Variants in ACO2 observed in about 807,000 individuals in gnomAD.
ACO2 encodes aconitate hydratase, mitochondrial.
In ACO2, 31 loss-of-function variants were observed where a neutral mutation model predicts 84.5. The observed-to-expected ratio is 0.37, with a 90% CI of 0.28 to 0.50. ACO2 has a LOEUF of 0.50. Ranked by LOEUF, ACO2 falls within the 20% of genes least tolerant of loss-of-function variation. ACO2 has a pLI of 0.97. For synonymous variants in ACO2, 414 were observed against 412.7 expected (o/e 1.00, Z -0.04); for missense variants, 685 against 1,029.3 (o/e 0.67, Z 4.58).
chr22:41,523,106 G>A, intron 10 of ACO2, 99 bp from the exon 11 acceptor site: 1 of 1,544,416 alleles, frequency 6.5e-7, no homozygotes, highest in Non-Finnish European at 8.8e-7. Flanking sequence ...GGCTGCCCTG[G>A]GGTTCCAGTA....
chr22:41,474,751 A>G (rs2037991297), intron 1 of ACO2, among the ~76,000 whole-genome samples: 1 of 150,670 alleles, frequency 6.6e-6, no homozygotes, highest in Non-Finnish European at 1.5e-5. Flanking sequence ...GGCGCCCGCT[A>G]CCATGCCTGG....
intron 14 of ACO2, chr22:41,525,956 C>T (rs1043396690): frequency 3.2e-6 from 1 of 313,524 alleles, no homozygotes; most frequent in South Asian, 6.9e-5. Flanking sequence ...AGGTCTGTGG[C>T]TGATCTTGCA....
intron 2 of ACO2, among the ~76,000 whole-genome samples, chr22:41,506,345 C>T (rs2066393088): frequency 1.3e-5 from 2 of 151,984 alleles, no homozygotes; most frequent in African/African-American, 4.8e-5. Context: ...CTCCGCCTCC[C>T]GGGTTCACGC....
In ACO2 at chr22:41,528,748, C is replaced by A; in HGVS notation, c.*135C>A. On this transcript the variant is annotated 3_prime_UTR_variant, in exon 18 of 18. Coordinates refer to ENST00000216254, the MANE Select transcript of ACO2 (RefSeq NM_001098.3). ...ACATGCTTCCTGCTCCCCGCTTAGC[C>A]CACGGAGTGACTGTGGTTGTGGTGG... 7.8e-7 allele frequency: 1 copy of A among 1,285,640 alleles called. No individual in the cohort carries two copies. The highest frequency in any genetic ancestry group is 1.0e-6 in the Non-Finnish European group (1 of 958,248). The allele number at this position is 1,285,640 out of a possible 1,614,324, so 79.6% of individuals were successfully genotyped here. A position where few individuals can be genotyped will look rare whatever the true frequency, so the allele number is the denominator to read the frequency against.
chr22:41,526,518 A>AG, intron 15 of ACO2, 65 bp downstream of exon 15: 1 of 1,541,436 alleles, frequency 6.5e-7, no homozygotes, highest in Non-Finnish European at 8.8e-7. Flanking sequence ...AGGCAGGTGC[A>AG]GGGAGGACAT....
chr22:41,513,541 G>T (rs146168555), intron 4 of ACO2, among the ~76,000 whole-genome samples: 191 of 152,310 alleles, frequency 1.3e-3, no homozygotes, highest in African/African-American at 4.5e-3. Context: ...CCTCTGTGGA[G>T]CCTCCCCGGC....
chr22:41,523,601 A>G (rs1457662276), intron 11 of ACO2, among the ~76,000 whole-genome samples: 1 of 152,198 alleles, frequency 6.6e-6, no homozygotes, highest in African/African-American at 2.4e-5. Flanking sequence ...GGCCTTGACC[A>G]AGGCCTTGCC....
intron 8 of ACO2, among the ~76,000 whole-genome samples, chr22:41,519,000 T>G (rs970793694): frequency 1.3e-5 from 2 of 152,134 alleles, no homozygotes; most frequent in Non-Finnish European, 2.9e-5. Context: ...TCCCCAGTGT[T>G]CCTGCAAACT....
chr22:41,479,916 C>T (rs889255029), intron 1 of ACO2, among the ~76,000 whole-genome samples: 1 of 152,172 alleles, frequency 6.6e-6, no homozygotes, highest in African/African-American at 2.4e-5. Context: ...CTTAAAGGAA[C>T]CCCCTGCTGC....
chr22:41,500,863 C>T (rs1207201780), intron 2 of ACO2, among the ~76,000 whole-genome samples: 1 of 151,958 alleles, frequency 6.6e-6, no homozygotes, highest in Non-Finnish European at 1.5e-5. Flanking sequence ...ACCACGATGC[C>T]TGGCTAATTT....
chr22:41,477,199 G>A (rs1024377628), intron 1 of ACO2, among the ~76,000 whole-genome samples: 1 of 150,960 alleles, frequency 6.6e-6, no homozygotes, highest in African/African-American at 2.4e-5. Flanking sequence ...TGTCTCCCAG[G>A]CTGGAGTGCA....
chr22:41,507,846 C>A lies in ACO2; in HGVS notation c.229C>A (p.Pro77Thr), dbSNP rs1489166844. 6.2e-7 allele frequency: 1 copy of A among 1,614,206 alleles called. No individual in the cohort carries two copies. The highest frequency in any genetic ancestry group is 2.2e-5 in the East Asian group (1 of 44,884). ...EKIVYGHLDD[P>T]ASQEIERGKS... ...GATTGTGTATGGACACCTGGATGAC[C>A]CCGCCAGCCAGGAAATTGAGCGAGG... The change falls in exon 3 of 18, where the codon CCC becomes ACC. Residue 77 changes from proline (P) to threonine (T), a missense_variant. This residue lies in a region of ACO2 where 98 missense variants were observed against 107.6 expected (regional missense o/e 0.91). Coordinates refer to ENST00000216254, the MANE Select transcript of ACO2 (RefSeq NM_001098.3).
Position 41,500,366 on chromosome 22 carries a change from A to G in ACO2, c.173+504A>G, listed in dbSNP as rs1009377219. ...AGGCAGAGTATATATATATTTATAT[A>G]TATAAAATAAAAATATATATAAATA... On this transcript the variant is annotated intron_variant, in intron 2 of 17. Transcript: ENST00000216254. Among the ~76,000 whole-genome samples the G allele has an allele frequency of 4.7e-5, 7 of 147,670 alleles. No individual in the cohort carries two copies. The East Asian group carries it at 7.8e-4, about 16-fold the overall frequency.
rs2066538908 is a variant in ACO2 at position 41,522,979 on chromosome 22, G to T, written c.1288G>T (p.Asp430Tyr). The T allele has an allele frequency of 6.2e-7, 1 of 1,614,172 alleles. No homozygotes were observed. Among genetic ancestry groups the T allele is most frequent in the Non-Finnish European group, 8.5e-7 (1 of 1,180,022 alleles). The change falls in exon 10 of 18, where the codon GAC becomes TAC. Residue 430 changes from aspartate (D) to tyrosine (Y), a missense_variant. Asp to Tyr is a radical substitution (Grantham distance 160). This residue lies in a region of ACO2 where 311 missense variants were observed against 441.6 expected (regional missense o/e 0.70). Transcript: ENST00000216254. ...GCAGATCCGCGCCACCATTGAGCGG[G>T]ACGGCTATGTGAGTGCCCATATCCC... ...SEQIRATIER[D>Y]GYAQILRDLG...
chr22:41,487,041 G>A (rs555960037), intron 1 of ACO2, among the ~76,000 whole-genome samples: 10 of 151,990 alleles, frequency 6.6e-5, no homozygotes, highest in Admixed American at 2.6e-4. Context: ...CCACCACTAC[G>A]TCCGGCTAAT....
chr22:41,490,305 G>A (rs1179144874), intron 1 of ACO2, among the ~76,000 whole-genome samples: 3 of 152,084 alleles, frequency 2.0e-5, no homozygotes, highest in African/African-American at 7.2e-5. Flanking sequence ...CAGCCTGGGC[G>A]ACAGAGCAAG....
At chr22:41,523,965 A>T in intron 12 of ACO2, 24 bp downstream of exon 12, 1 of 1,605,814 alleles carries the variant, frequency 6.2e-7, no homozygotes, top group East Asian at 2.2e-5. Context: ...GCTGCGCACA[A>T]GCCTGGGATG....
chr22:41,518,877 C>T (rs1023763338), intron 8 of ACO2, among the ~76,000 whole-genome samples: 8 of 152,142 alleles, frequency 5.3e-5, no homozygotes, highest in African/African-American at 1.9e-4. Flanking sequence ...ACCCGGGACG[C>T]AGAGGTTGCA....
chr22:41,525,391 G>GC (rs908257258), intron 14 of ACO2, 43 bp downstream of exon 14: 2 of 1,606,632 alleles, frequency 1.2e-6, no homozygotes, highest in Admixed American at 1.7e-5. Flanking sequence ...CCCTGCCAGG[G>GC]CCCCCCGTCC....
Sources: allele counts gnomAD v4.1 joint callset (sites outside exome capture counted in the v4.1 genomes callset), GRCh38; gene constraint gnomAD v4.1.1; regional missense constraint gnomAD v4.1.1; transcripts MANE v1.5; gene names NCBI Gene and HGNC (gene_info 2026-07-23, HGNC 2026-07-21).